Variants in EIF2AK4 observed in about 807,000 individuals in gnomAD.
EIF2AK4 encodes the protein eukaryotic translation initiation factor 2 alpha kinase 4.
A neutral mutation model predicts 211.1 loss-of-function variants in EIF2AK4; 139 were observed. That is an observed-to-expected ratio of 0.66 (90% CI 0.57 to 0.76). The LOEUF (loss-of-function observed/expected upper bound fraction) is 0.76, where lower values mean the gene tolerates loss of function less well. Ranked by LOEUF, EIF2AK4 falls within the 30% of genes least tolerant of loss-of-function variation. EIF2AK4 has a pLI of 0.00. For missense variants in EIF2AK4, 1,664 were observed against 2,043.8 expected, an observed-to-expected ratio of 0.81 and a Z score of 3.58; for synonymous variants, 710 against 751.3, an observed-to-expected ratio of 0.94 and a Z score of 0.90.
intron 20 of EIF2AK4, among the ~76,000 whole-genome samples, chr15:40,000,479 G>A (rs577890514): frequency 6.6e-6 from 1 of 152,206 alleles, no homozygotes; most frequent in African/African-American, 2.4e-5. Flanking sequence ...TGGCTGTGAA[G>A]ATATAACAAA....
In EIF2AK4 at chr15:40,032,279, A is replaced by C. The variant is rs752770674; in HGVS notation, c.4728+42A>C. 7 of 1,574,992 alleles carry C rather than the reference A, an allele frequency of 4.4e-6. No individual in the cohort carries two copies. The African/African-American group carries it at 6.7e-5, about 15-fold the overall frequency. ...AGTATTTTGAAGGTGGCTTCTGTCC[A>C]TACTGTCAAAGTAGTTGCCTCAGGG... is the stretch of plus-strand genomic sequence containing the variant. On this transcript the variant is annotated intron_variant, in intron 36 of 38. Coordinates refer to ENST00000263791, the MANE Select transcript of EIF2AK4 (RefSeq NM_001013703.4).
At chr15:39,958,766 C>G (rs1242247038) in intron 6 of EIF2AK4, among the ~76,000 whole-genome samples, 1 of 152,142 alleles carries the variant, frequency 6.6e-6, no homozygotes, top group Non-Finnish European at 1.5e-5. Flanking sequence ...GCCCCTGTGT[C>G]TCAGATAAGA....
intron 28 of EIF2AK4, among the ~76,000 whole-genome samples, 178 bp from the exon 29 acceptor site, chr15:40,016,930 A>C (rs1243101298): frequency 6.6e-6 from 1 of 152,204 alleles, no homozygotes; most frequent in African/African-American, 2.4e-5. Context: ...AGAGAAGAGA[A>C]TTTATTTTAC....
intron 27 of EIF2AK4, among the ~76,000 whole-genome samples, chr15:40,016,065 G>A (rs981439757): frequency 6.6e-6 from 1 of 152,220 alleles, no homozygotes; most frequent in Non-Finnish European, 1.5e-5. Context: ...TCAAGCCAAG[G>A]AAGGGAATTT....
Position 39,973,601 on chromosome 15 carries a change from G to T in EIF2AK4, c.1670G>T (p.Gly557Val), listed in dbSNP as rs575833717. The T allele has an allele frequency of 5.0e-6, 8 of 1,611,560 alleles. No homozygotes were observed. In the Admixed American group the frequency reaches 1.3e-4, roughly 27 times the overall value. Residue 557 changes from glycine (G) to valine (V), a missense_variant, in exon 11 of 39, where the codon GGA (glycine) becomes GTA (valine). By Grantham distance (109) the Gly-to-Val change is moderately radical. Coordinates refer to ENST00000263791, the MANE Select transcript of EIF2AK4 (RefSeq NM_001013703.4). ...CCCTGTTTTATCTCAGATTCTGAAG[G>T]ACAAGATTATGTTGAGACTGTTATT... Reference protein sequence around the residue: ...LVEQSPEDSEGQDYVETVIPS... With the variant: ...LVEQSPEDSEVQDYVETVIPS...
In EIF2AK4 at chr15:40,029,415, C is replaced by T. The variant is rs181699370; in HGVS notation, c.4512C>T (p.Ser1504=). The T allele has an allele frequency of 6.1e-5, 99 of 1,612,436 alleles. No individual in the cohort carries two copies. Among genetic ancestry groups the T allele is most frequent in the South Asian group, 4.0e-4 (36 of 90,920 alleles). ...GTTTGCTTGTTTTTAGAGAAGCTTC[C>T]GATAATCTTGCAGTGCAAAATCTGA... The part of the protein sequence containing the change: ...VTDERNGREA[S]DNLAVQNLKG... Residue 1504 remains serine, a synonymous_variant, in exon 34 of 39, where the codon TCC becomes TCT. Transcript: ENST00000263791.
At chr15:39,961,306 G>A (rs1215623712) in intron 6 of EIF2AK4, among the ~76,000 whole-genome samples, 2 of 152,228 alleles carry the variant, frequency 1.3e-5, no homozygotes, top group Non-Finnish European at 2.9e-5. Flanking sequence ...AGATGTGCAT[G>A]TGCGTGGGAA....
At chr15:40,009,793 T>C (rs2035211879) in intron 26 of EIF2AK4, 63 bp downstream of exon 26, 1 of 1,161,012 alleles carries the variant, frequency 8.6e-7, no homozygotes, top group East Asian at 2.5e-5. Flanking sequence ...ATAATAATAA[T>C]AGTTCCTGAT....
At chr15:39,977,130 T>A in intron 12 of EIF2AK4, 2 of 229,906 alleles carry the variant, frequency 8.7e-6, no homozygotes, top group South Asian at 2.1e-4. Flanking sequence ...GTTGACCATG[T>A]TTAAAAACAA....
intron 13 of EIF2AK4, among the ~76,000 whole-genome samples, chr15:39,982,503 C>T (rs1019352242): frequency 2.0e-5 from 3 of 152,188 alleles, no homozygotes; most frequent in African/African-American, 7.2e-5. Flanking sequence ...GGAAATAGCA[C>T]ATTTTCAATA....
intron 17 of EIF2AK4, 156 bp downstream of exon 17, chr15:39,992,385 C>A: frequency 1.7e-6 from 1 of 583,346 alleles, no homozygotes; most frequent in Non-Finnish European, 2.8e-6. Flanking sequence ...ATCTTTTTTT[C>A]CTTTTCAATT....
intron 22 of EIF2AK4, among the ~76,000 whole-genome samples, 172 bp from the exon 23 acceptor site, chr15:40,003,021 C>G (rs1484961972): frequency 6.6e-6 from 1 of 152,174 alleles, no homozygotes. Flanking sequence ...AACTGTCAAA[C>G]TTAACTCTAG....
chr15:39,977,713 A>T (rs1393667789), intron 12 of EIF2AK4: 2 of 160,462 alleles, frequency 1.2e-5, no homozygotes, highest in African/African-American at 4.8e-5. Context: ...TACAGTGCCA[A>T]CTGCAGCCCC....
intron 13 of EIF2AK4, among the ~76,000 whole-genome samples, chr15:39,979,904 A>G (rs541360615): frequency 1.3e-5 from 2 of 152,336 alleles, no homozygotes; most frequent in African/African-American, 4.8e-5. Flanking sequence ...TATCTTGTGC[A>G]TACAAGCAAA....
At chr15:39,935,826 G>A (rs141565379) in intron 1 of EIF2AK4, among the ~76,000 whole-genome samples, 109 of 152,276 alleles carry the variant, frequency 7.2e-4, no homozygotes, top group African/African-American at 2.6e-3. Context: ...AAAAATCCTT[G>A]CCCTCAGGGA....
intron 13 of EIF2AK4, among the ~76,000 whole-genome samples, chr15:39,980,406 A>G (rs973417334): frequency 6.6e-6 from 1 of 152,246 alleles, no homozygotes; most frequent in African/African-American, 2.4e-5. Context: ...GCCAGTTTGT[A>G]TTGCAAATTT....
chr15:40,029,481 T>C lies in EIF2AK4; in HGVS notation c.4561+17T>C. 1.2e-6 allele frequency: 2 copies of C among 1,611,064 alleles called. No homozygotes were observed. Among genetic ancestry groups the C allele is most frequent in the Non-Finnish European group, 8.5e-7 (1 of 1,178,666 alleles). On this transcript the variant is annotated intron_variant, in intron 34 of 38. Transcript: ENST00000263791. Reference sequence around the variant, plus strand: ...ATGCTTCAGGTATAATTACTAATTATAATCTGAACATAATGATGCTTATAT... The same window carrying C: ...ATGCTTCAGGTATAATTACTAATTACAATCTGAACATAATGATGCTTATAT...
At chr15:40,007,874 G>A (rs762193107) in intron 24 of EIF2AK4, among the ~76,000 whole-genome samples, 153 bp from the exon 25 acceptor site, 8 of 152,110 alleles carry the variant, frequency 5.3e-5, no homozygotes, top group Non-Finnish European at 8.8e-5. Context: ...ACAAGGCAAG[G>A]CTGTTCCAGG....
chr15:39,955,851 G>A, intron 6 of EIF2AK4, 83 bp downstream of exon 6: 1 of 1,421,794 alleles, frequency 7.0e-7, no homozygotes, highest in Non-Finnish European at 9.4e-7. Context: ...AAATTTGATG[G>A]AAATTTCAGG....
Sources: allele counts gnomAD v4.1 joint callset (sites outside exome capture counted in the v4.1 genomes callset), GRCh38; gene constraint gnomAD v4.1.1; transcripts MANE v1.5; gene names NCBI Gene and HGNC (gene_info 2026-07-23, HGNC 2026-07-21).